PPM1L: variants seen among roughly 807,000 people sequenced by gnomAD.
PPM1L encodes the protein protein phosphatase 1L.
Under a neutral mutation model 31.4 loss-of-function variants are expected in PPM1L, and 13 were observed. The ratio of observed to expected loss-of-function variants is 0.41; its 90% CI spans 0.27 to 0.66. The LOEUF is 0.66. PPM1L is among the 30% of genes least tolerant of loss of function. The probability of loss-of-function intolerance (pLI) is 0.29; values close to 1 mark genes in which losing one functional copy is unlikely to be tolerated. For missense variants in PPM1L, 326 were observed against 453.7 expected (o/e 0.72, Z 2.56); for synonymous variants, 184 against 175.4 (o/e 1.05, Z -0.39).
chr3:160,989,898 C>G (rs752117683), intron 2 of PPM1L, among the ~76,000 whole-genome samples: 25 of 152,170 alleles, frequency 1.6e-4, no homozygotes, highest in Non-Finnish European at 3.1e-4. Context: ...CTCCTGGTCT[C>G]AAGCAATCCT....
At chr3:160,932,254 G>A (rs939319749) in intron 1 of PPM1L, among the ~76,000 whole-genome samples, 2 of 152,182 alleles carry the variant, frequency 1.3e-5, no homozygotes, top group African/African-American at 2.4e-5. Flanking sequence ...TATAATATCT[G>A]CTTAAAGTAT....
At chr3:160,835,776 G>T (rs2108101146) in intron 1 of PPM1L, among the ~76,000 whole-genome samples, 1 of 152,250 alleles carries the variant, frequency 6.6e-6, no homozygotes, top group South Asian at 2.1e-4. Flanking sequence ...TCATGGATGT[G>T]AATATATTTT....
At chr3:161,032,906 T>A (rs926025065) in intron 2 of PPM1L, among the ~76,000 whole-genome samples, 1 of 144,488 alleles carries the variant, frequency 6.9e-6, no homozygotes, top group Non-Finnish European at 1.5e-5. Context: ...AGATGGGGTT[T>A]CACCATGTTG....
intron 2 of PPM1L, among the ~76,000 whole-genome samples, chr3:161,044,436 G>C (rs1434776954): frequency 6.6e-6 from 1 of 151,492 alleles, no homozygotes; most frequent in African/African-American, 2.4e-5. Context: ...AAAATCTGAA[G>C]TGTTCCAAAA....
intron 1 of PPM1L, among the ~76,000 whole-genome samples, chr3:160,947,492 C>G (rs897977347): frequency 6.6e-6 from 1 of 152,110 alleles, no homozygotes; most frequent in East Asian, 1.9e-4. Flanking sequence ...GGCTTTACAT[C>G]ACTCTCTCAG....
chr3:160,846,889 G>A (rs1329966647), intron 1 of PPM1L, among the ~76,000 whole-genome samples: 1 of 151,922 alleles, frequency 6.6e-6, no homozygotes, highest in African/African-American at 2.4e-5. Context: ...AGTTTTTTAT[G>A]TGTAGCTTAC....
chr3:160,928,367 A>G (rs1259211663), intron 1 of PPM1L, among the ~76,000 whole-genome samples: 1 of 152,224 alleles, frequency 6.6e-6, no homozygotes, highest in African/African-American at 2.4e-5. Flanking sequence ...ATCTGAACAC[A>G]GTGATTGGCT....
chr3:161,019,139 A>C (rs752083495), intron 2 of PPM1L, among the ~76,000 whole-genome samples: 10 of 152,096 alleles, frequency 6.6e-5, no homozygotes, highest in Non-Finnish European at 1.3e-4. Context: ...GATGATGCTC[A>C]AAATTGCAAC....
intron 2 of PPM1L, among the ~76,000 whole-genome samples, chr3:161,013,511 G>A (rs1414489035): frequency 6.6e-6 from 1 of 152,184 alleles, no homozygotes; most frequent in Non-Finnish European, 1.5e-5. Flanking sequence ...TTGATTTGGG[G>A]TGGAGAGTTC....
At position 160,777,842 on chromosome 3, in the gene PPM1L, T is replaced by C. The variant is rs777883247; in HGVS notation, c.399+21135T>C. ...AGGAACATAGGTGTGCAAATATGTCTTTGAGATACTACTTTCAATTCTTTT... is the reference window on the plus strand; with the variant it reads ...AGGAACATAGGTGTGCAAATATGTCCTTGAGATACTACTTTCAATTCTTTT... On this transcript the variant is annotated intron_variant, in intron 1 of 3. Coordinates refer to ENST00000498165, the MANE Select transcript of PPM1L (RefSeq NM_139245.4). Among the ~76,000 whole-genome samples, 15 of 152,224 alleles carry C rather than the reference T, an allele frequency of 9.9e-5. No individual in the cohort carries two copies. In the East Asian group the frequency reaches 1.3e-3, roughly 14 times the overall value.
Position 161,075,905 on chromosome 3 carries a change from A to C in PPM1L, c.*6748A>C, listed in dbSNP as rs1425409231. On this transcript the variant is annotated 3_prime_UTR_variant, in exon 4 of 4. Coordinates refer to ENST00000498165, the MANE Select transcript of PPM1L (RefSeq NM_139245.4). Reference sequence around the variant, plus strand: ...ATTTATTGCTCTCCTCAACACCTTTACTGTCCCAGATTCCATTCACGTTCC... The same window carrying C: ...ATTTATTGCTCTCCTCAACACCTTTCCTGTCCCAGATTCCATTCACGTTCC... 6.6e-6 allele frequency: 1 copy of C among 152,202 alleles called. No homozygotes were observed. Among genetic ancestry groups the C allele is most frequent in the Admixed American group, 6.5e-5 (1 of 15,276 alleles). 9.4% of individuals were successfully genotyped at this position (152,202 alleles called of 1,614,324 possible).
At chr3:160,770,415 A>T (rs886070847) in intron 1 of PPM1L, among the ~76,000 whole-genome samples, 2 of 152,210 alleles carry the variant, frequency 1.3e-5, no homozygotes, top group African/African-American at 4.8e-5. Context: ...TTCTTTACTG[A>T]TATAGTGAAA....
At chr3:160,976,921 G>A (rs1716608621) in intron 2 of PPM1L, among the ~76,000 whole-genome samples, 1 of 152,156 alleles carries the variant, frequency 6.6e-6, no homozygotes, top group South Asian at 2.1e-4. Context: ...GCTAGCTTTT[G>A]AATGTGTTTG....
intron 1 of PPM1L, among the ~76,000 whole-genome samples, chr3:160,781,344 C>G (rs1302363520): frequency 2.0e-5 from 3 of 152,170 alleles, no homozygotes; most frequent in Non-Finnish European, 4.4e-5. Flanking sequence ...AAAGGGATTT[C>G]AGTCCTGCAG....
intron 1 of PPM1L, among the ~76,000 whole-genome samples, chr3:160,806,787 G>A (rs1417650545): frequency 6.6e-6 from 1 of 150,506 alleles, no homozygotes; most frequent in Non-Finnish European, 1.5e-5. Context: ...GAGAGGAGGG[G>A]AGAGAGGACA....
chr3:161,058,697 C>T (rs975670418), intron 2 of PPM1L, among the ~76,000 whole-genome samples: 4 of 152,034 alleles, frequency 2.6e-5, no homozygotes, highest in Non-Finnish European at 5.9e-5. Flanking sequence ...ACCTGCCCTC[C>T]CCACTCTGAA....
chr3:161,003,097 T>C (rs1289821340), intron 2 of PPM1L, among the ~76,000 whole-genome samples: 6 of 151,502 alleles, frequency 4.0e-5, no homozygotes, highest in Admixed American at 1.3e-4. Flanking sequence ...AAATAGGGAA[T>C]CCTTTCCCCA....
intron 1 of PPM1L, among the ~76,000 whole-genome samples, chr3:160,880,971 CTGTT>C (rs1389192994): frequency 5.3e-5 from 8 of 152,114 alleles, no homozygotes; most frequent in Non-Finnish European, 1.0e-4. Context: ...TAATGAAACT[CTGTT>C]TATTTCATAG....
At chr3:160,980,493 A>C (rs34462546) in intron 2 of PPM1L, among the ~76,000 whole-genome samples, 65,587 of 151,398 alleles carry the variant, frequency 0.43, 15,034 homozygotes, top group East Asian at 0.7. Context: ...CCTGGGCAAC[A>C]TGGCAAAACC....
Sources: gnomAD v4.1 joint callset for allele counts (sites outside exome capture counted in the v4.1 genomes callset) on GRCh38, gnomAD v4.1.1 for gene constraint, MANE v1.5 for transcripts, NCBI Gene and HGNC (gene_info 2026-07-23, HGNC 2026-07-21) for gene names.